PTPRA: variants seen among roughly 807,000 people sequenced by gnomAD.
PTPRA encodes the protein receptor-type tyrosine-protein phosphatase alpha.
A neutral mutation model predicts 104.8 loss-of-function variants in PTPRA; 25 were observed. The observed-to-expected ratio is 0.24, with a 90% confidence interval of 0.17 to 0.33. The LOEUF is 0.33. Ranked by LOEUF, PTPRA falls within the 10% of genes least tolerant of loss-of-function variation. The pLI, the probability that PTPRA is intolerant of heterozygous loss-of-function variation, is 1.00. For synonymous variants in PTPRA, 323 were observed against 368.9 expected (o/e 0.88, Z 1.43); for missense variants, 765 against 1,015.3 (o/e 0.75, Z 3.35).
At chr20:2,986,148 C>G (rs1056086941) in intron 6 of PTPRA, among the ~76,000 whole-genome samples, 29 of 152,244 alleles carry the variant, frequency 1.9e-4, no homozygotes, top group Admixed American at 1.8e-3. Flanking sequence ...CTCAAGCAAT[C>G]CACCCGCTTT....
intron 12 of PTPRA, among the ~76,000 whole-genome samples, chr20:3,016,092 A>T (rs1363064809): frequency 1.3e-5 from 2 of 152,216 alleles, no homozygotes; most frequent in East Asian, 1.9e-4. Context: ...CCATTAAAAG[A>T]AGTCTTTTTG....
intron 20 of PTPRA, among the ~76,000 whole-genome samples, chr20:3,031,103 A>G (rs1188007911): frequency 2.0e-5 from 3 of 152,042 alleles, no homozygotes; most frequent in East Asian, 1.9e-4. Context: ...TGCTGGGTCA[A>G]CCCTAGGCCT....
chr20:2,886,839 A>G (rs1338405100), intron 1 of PTPRA, among the ~76,000 whole-genome samples: 8 of 151,300 alleles, frequency 5.3e-5, no homozygotes, highest in Non-Finnish European at 1.0e-4. Context: ...CTGGGCAACA[A>G]GAGTGAAACT....
chr20:2,941,141 C>T (rs1832373615), intron 2 of PTPRA, among the ~76,000 whole-genome samples: 1 of 152,118 alleles, frequency 6.6e-6, no homozygotes, highest in African/African-American at 2.4e-5. Flanking sequence ...AGCAGTTCTC[C>T]TGCCTCGGCC....
At chr20:2,987,374 C>T (rs2062953048) in intron 7 of PTPRA, among the ~76,000 whole-genome samples, 2 of 151,716 alleles carry the variant, frequency 1.3e-5, no homozygotes, top group African/African-American at 2.4e-5. Flanking sequence ...GTCCTCTAGA[C>T]GTTACCACTC....
At chr20:3,032,991 G>C (rs984220637) in intron 20 of PTPRA, among the ~76,000 whole-genome samples, 1 of 151,444 alleles carries the variant, frequency 6.6e-6, no homozygotes, top group Non-Finnish European at 1.5e-5. Flanking sequence ...TACTTCCGTA[G>C]CATCACCCCA....
intron 7 of PTPRA, 54 bp from the exon 8 acceptor site, chr20:2,987,977 AT>A (rs35292852): frequency 6.9e-7 from 1 of 1,443,304 alleles, no homozygotes; most frequent in Non-Finnish European, 9.8e-7. Flanking sequence ...CAGAGGTGTG[AT>A]TTGCCTCTCC....
intron 2 of PTPRA, among the ~76,000 whole-genome samples, chr20:2,934,973 C>T (rs929766087): frequency 2.0e-5 from 3 of 151,984 alleles, no homozygotes; most frequent in Non-Finnish European, 4.4e-5. Flanking sequence ...TGCCCGGCCC[C>T]TGAAATCACC....
chr20:2,999,593 A>T (rs1206757890), intron 9 of PTPRA, among the ~76,000 whole-genome samples: 2 of 152,216 alleles, frequency 1.3e-5, no homozygotes, highest in East Asian at 3.8e-4. Context: ...ATGCTCTTGC[A>T]GTTTGGGTGG....
At chr20:2,875,652 C>T (rs1246920168) in intron 1 of PTPRA, among the ~76,000 whole-genome samples, 2 of 152,106 alleles carry the variant, frequency 1.3e-5, no homozygotes, top group East Asian at 1.9e-4. Flanking sequence ...TTTTTATTTG[C>T]CTTGTGACAA....
intron 14 of PTPRA, 97 bp from the exon 15 acceptor site, chr20:3,021,957 C>A: frequency 6.8e-7 from 1 of 1,460,878 alleles, no homozygotes; most frequent in South Asian, 1.3e-5. Context: ...ACTTACTTTT[C>A]CATTGTCACT....
upstream of PTPRA, among the ~76,000 whole-genome samples, chr20:2,870,244 T>C (rs988962937): frequency 1.3e-5 from 2 of 152,010 alleles, no homozygotes; most frequent in Non-Finnish European, 2.9e-5. Flanking sequence ...GGCGCATGCC[T>C]GTAATCCCAG....
intron 11 of PTPRA, among the ~76,000 whole-genome samples, chr20:3,007,826 GTC>G (rs1180808792): frequency 1.0e-5 from 1 of 96,164 alleles, no homozygotes; most frequent in African/African-American, 6.0e-5. Flanking sequence ...GTGTGTGTGT[GTC>G]TGTGTGTGTG....
intron 1 of PTPRA, among the ~76,000 whole-genome samples, chr20:2,887,699 T>TTACAATATTG (rs772856917): frequency 2.3e-4 from 35 of 152,358 alleles, no homozygotes; most frequent in Non-Finnish European, 4.6e-4. Flanking sequence ...AAGTGGCTTA[T>TTACAATATTG]TACAATATTG....
intron 3 of PTPRA, among the ~76,000 whole-genome samples, chr20:2,953,039 CCTG>C (rs1357500500): frequency 6.6e-6 from 1 of 152,040 alleles, no homozygotes; most frequent in Non-Finnish European, 1.5e-5. Flanking sequence ...TGTTCGAGTT[CCTG>C]CTTTCAATTC....
chr20:2,930,929 A>G (rs2060480855), intron 2 of PTPRA, among the ~76,000 whole-genome samples: 2 of 152,178 alleles, frequency 1.3e-5, no homozygotes, highest in Admixed American at 6.5e-5. Context: ...TTTCAAATCT[A>G]TTGTTTATTC....
intron 6 of PTPRA, among the ~76,000 whole-genome samples, chr20:2,986,448 T>C (rs772161989): frequency 2.6e-5 from 4 of 152,192 alleles, no homozygotes; most frequent in Non-Finnish European, 5.9e-5. Flanking sequence ...TCAAAGGATA[T>C]AGCAGTGAGT....
intron 1 of PTPRA, among the ~76,000 whole-genome samples, chr20:2,896,374 G>A (rs1354822744): frequency 2.6e-5 from 4 of 152,092 alleles, no homozygotes; most frequent in East Asian, 1.9e-4. Context: ...GGGAGACTCC[G>A]TCTCAAAAAC....
chr20:2,975,309 TCA>T, intron 6 of PTPRA, 68 bp downstream of exon 6: 2 of 1,375,082 alleles, frequency 1.5e-6, no homozygotes, highest in Non-Finnish European at 2.0e-6. Context: ...TTTCCTCTGC[TCA>T]CAGTCTGTGG....
Sources: allele counts gnomAD v4.1 joint callset (sites outside exome capture counted in the v4.1 genomes callset), GRCh38; gene constraint gnomAD v4.1.1; transcripts MANE v1.5; gene names NCBI Gene and HGNC (gene_info 2026-07-23, HGNC 2026-07-21).